TNN: variants seen among roughly 807,000 people sequenced by gnomAD.
TNN encodes the protein tenascin-N.
In TNN, 122 loss-of-function variants were observed where a neutral mutation model predicts 134.4. That is an observed-to-expected ratio of 0.91 (90% CI 0.78 to 1.06). The LOEUF (loss-of-function observed/expected upper bound fraction) is 1.06, where lower values mean the gene tolerates loss of function less well. TNN is among the 50% of genes least tolerant of loss of function. The pLI is 0.00. For synonymous variants in TNN, 710 were observed against 670.3 expected, an observed-to-expected ratio of 1.06 and a Z score of -0.91; for missense variants, 1,739 against 1,699.4, an observed-to-expected ratio of 1.02 and a Z score of -0.41.
chr1:175,133,709 C>T (rs1260215318), intron 15 of TNN, among the ~76,000 whole-genome samples: 1 of 152,304 alleles, frequency 6.6e-6, no homozygotes, highest in Non-Finnish European at 1.5e-5. Flanking sequence ...CTTCATTTTA[C>T]CCTCCTCTGG....
In TNN at chr1:175,074,832, G is replaced by A. The variant is rs574146708; in HGVS notation, c.-35-2552G>A. ...TGCATAGGGACATGTATCTAACTGC[G>A]CTCATTTGTCATTTGTATCAGAATG... is the stretch of plus-strand genomic sequence containing the variant. On this transcript the variant is annotated intron_variant, in intron 1 of 18. Coordinates refer to ENST00000239462, the MANE Select transcript of TNN (RefSeq NM_022093.2). Among the ~76,000 whole-genome samples, 45 of 152,302 alleles carry A rather than the reference G, an allele frequency of 3.0e-4. No individual in the cohort carries two copies. In the South Asian group the frequency reaches 8.1e-3, roughly 27 times the overall value.
intron 13 of TNN, 27 bp downstream of exon 13, chr1:175,127,112 TG>T: frequency 1.2e-6 from 2 of 1,606,686 alleles, no homozygotes; most frequent in Non-Finnish European, 1.7e-6. Flanking sequence ...TCTTTTCTCC[TG>T]GTGCCTTCTC....
At chr1:175,146,589 C>T (rs182629418) in intron 18 of TNN, among the ~76,000 whole-genome samples, 35 of 152,194 alleles carry the variant, frequency 2.3e-4, no homozygotes, top group African/African-American at 4.8e-4. Context: ...AGATAATTTG[C>T]CCATTGCCGG....
chr1:175,070,550 C>T (rs1265037846), intron 1 of TNN, among the ~76,000 whole-genome samples: 1 of 152,176 alleles, frequency 6.6e-6, no homozygotes, highest in Non-Finnish European at 1.5e-5. Context: ...CAGAGTGATA[C>T]CCAGAATGTG....
chr1:175,147,819 T>C lies in TNN; in HGVS notation c.*748T>C, dbSNP rs1401569604. The C allele has an allele frequency of 6.6e-6, 1 of 152,240 alleles. No individual in the cohort carries two copies. The highest frequency in any genetic ancestry group is 1.5e-5 in the Non-Finnish European group (1 of 68,064). The allele number at this position is 152,240 out of a possible 1,614,324, so 9.4% of individuals were successfully genotyped here. A position where few individuals can be genotyped will look rare whatever the true frequency, so the allele number is the denominator to read the frequency against. On this transcript the variant is annotated 3_prime_UTR_variant, in exon 19 of 19. Transcript: ENST00000239462. ...GATAATTGGTTCCTCCCAAAGACTC[T>C]TCTGCAACTCCCATTCATGCCCACC...
intron 9 of TNN, among the ~76,000 whole-genome samples, chr1:175,113,252 A>T (rs1675082850): frequency 1.3e-5 from 2 of 152,216 alleles, no homozygotes; most frequent in Non-Finnish European, 2.9e-5. Flanking sequence ...GTGGTGATGG[A>T]TTCCCTCAGT....
At chr1:175,083,411 G>A (rs1674245153) in intron 4 of TNN, among the ~76,000 whole-genome samples, 1 of 152,216 alleles carries the variant, frequency 6.6e-6, no homozygotes, top group Non-Finnish European at 1.5e-5. Context: ...GGCTGTAGCT[G>A]TCAGAGCTCT....
At chr1:175,134,276 C>A (rs935668798) in intron 15 of TNN, among the ~76,000 whole-genome samples, 1 of 152,126 alleles carries the variant, frequency 6.6e-6, no homozygotes, top group African/African-American at 2.4e-5. Context: ...CTGTACTTGG[C>A]CAGGCGCAGT....
chr1:175,144,477 A>C lies in TNN; in HGVS notation c.3686A>C (p.His1229Pro). The C allele has an allele frequency of 1.2e-6, 2 of 1,614,246 alleles. No homozygotes were observed. Among genetic ancestry groups the C allele is most frequent in the Non-Finnish European group, 1.7e-6 (2 of 1,180,044 alleles). Residue 1229 changes from histidine (H) to proline (P), a missense_variant, in exon 18 of 19, where the codon CAT (histidine) becomes CCT (proline). His to Pro is a moderately conservative substitution (Grantham distance 77). Transcript: ENST00000239462. ...CTCAGCAACTGTGCCCTGACACATCATGGTGGCTGGTGGTATAAGAACTGC... is the reference window on the plus strand; with the variant it reads ...CTCAGCAACTGTGCCCTGACACATCCTGGTGGCTGGTGGTATAAGAACTGC... ...IALSNCALTH[H>P]GGWWYKNCHL... is the part of the protein sequence containing the mutation.
chr1:175,088,503 T>C (rs1674370146), intron 6 of TNN, among the ~76,000 whole-genome samples: 1 of 152,346 alleles, frequency 6.6e-6, no homozygotes. Flanking sequence ...AAATTTTCTA[T>C]GATTCCTCAC....
intron 2 of TNN, among the ~76,000 whole-genome samples, 156 bp from the exon 3 acceptor site, chr1:175,079,177 C>A (rs187743455): frequency 5.9e-5 from 9 of 152,300 alleles, no homozygotes; most frequent in African/African-American, 1.9e-4. Context: ...TGGAGCTCCA[C>A]CATCCTCCAA....
At chr1:175,072,389 A>G (rs1673934683) in intron 1 of TNN, among the ~76,000 whole-genome samples, 1 of 152,134 alleles carries the variant, frequency 6.6e-6, no homozygotes, top group Non-Finnish European at 1.5e-5. Context: ...CCTTCGCTTC[A>G]TGCATCCCTG....
intron 2 of TNN, among the ~76,000 whole-genome samples, chr1:175,078,221 T>C (rs1263387346): frequency 6.6e-6 from 1 of 152,198 alleles, no homozygotes; most frequent in African/African-American, 2.4e-5. Flanking sequence ...ACTTTTTAGC[T>C]GTGTGACTTT....
rs142597532 is a variant in TNN, at chr1:175,085,643, G to A, written c.1324+149G>A. On this transcript the variant is annotated intron_variant, in intron 6 of 18. Coordinates refer to ENST00000239462, the MANE Select transcript of TNN (RefSeq NM_022093.2). ...TAATCCCAGCACTTTGGGAGGCCAA[G>A]GCAGGCGGATCACCTGATGTCGGGA... 469 of 636,972 alleles carry A rather than the reference G, an allele frequency of 7.4e-4. 4 individuals carry two copies. In the African/African-American group the frequency reaches 7.8e-3, roughly 11 times the overall value. 39.5% of individuals were successfully genotyped at this position (636,972 alleles called of 1,614,324 possible). A position where few individuals can be genotyped will look rare whatever the true frequency, so the allele number is the denominator to read the frequency against.
chr1:175,075,346 G>A (rs990362872), intron 1 of TNN, among the ~76,000 whole-genome samples: 9 of 152,170 alleles, frequency 5.9e-5, no homozygotes, highest in Admixed American at 3.9e-4. Context: ...CGCCCAGGCT[G>A]GAGTGCAGTG....
At chr1:175,101,229 C>T (rs367756878) in intron 9 of TNN, among the ~76,000 whole-genome samples, 116 of 151,736 alleles carry the variant, frequency 7.6e-4, no homozygotes, top group African/African-American at 2.4e-3. Flanking sequence ...CTGGTGGGTT[C>T]GTGGTCTCTG....
In TNN at chr1:175,136,874, A is replaced by T. The variant is rs754062226; in HGVS notation, c.3481A>T (p.Arg1161Ter). 2 of 1,614,202 alleles carry T rather than the reference A, an allele frequency of 1.2e-6. No individual in the cohort carries two copies. Among genetic ancestry groups the T allele is most frequent in the Non-Finnish European group, 1.7e-6 (2 of 1,180,024 alleles). Reference protein sequence around the residue: ...TTGTPARYEVRVDLQTANESA... With the variant: ...TTGTPARYEV ...CGGCACTCCAGCGCGGTATGAGGTG[A>T]GAGTGGATTTACAGACTGCCAATGA... The change falls in exon 17 of 19, where the codon AGA becomes TGA. Residue 1161 changes from arginine to a stop codon, truncating the protein, a stop_gained. Coordinates refer to ENST00000239462, the MANE Select transcript of TNN (RefSeq NM_022093.2). LOFTEE classifies it high-confidence loss of function.
intron 6 of TNN, among the ~76,000 whole-genome samples, chr1:175,090,528 G>A (rs1674421134): frequency 1.3e-5 from 2 of 152,152 alleles, no homozygotes; most frequent in Admixed American, 6.5e-5. Context: ...CACCAACTGG[G>A]AGATTCACAG....
At chr1:175,122,218 C>CCA (rs544769111) in intron 11 of TNN, among the ~76,000 whole-genome samples, 8 of 144,626 alleles carry the variant, frequency 5.5e-5, no homozygotes, top group Admixed American at 4.8e-4. Context: ...CCTGTCTTTA[C>CCA]AAAAAAAAAA....
Sources: allele counts gnomAD v4.1 joint callset (sites outside exome capture counted in the v4.1 genomes callset), GRCh38; gene constraint gnomAD v4.1.1; transcripts MANE v1.5; gene names NCBI Gene and HGNC (gene_info 2026-07-23, HGNC 2026-07-21).